Variants in IQGAP3 observed in about 807,000 individuals in gnomAD.
IQGAP3 encodes ras GTPase-activating-like protein IQGAP3.
Under a neutral mutation model 208.2 loss-of-function variants are expected in IQGAP3, and 165 were observed. The ratio of observed to expected loss-of-function variants is 0.79; its 90% CI spans 0.70 to 0.90. The LOEUF is 0.90. Among genes scored for constraint, IQGAP3 ranks in the 40% least tolerant of loss-of-function variants. IQGAP3 has a pLI of 0.00. For missense variants in IQGAP3, 1,811 were observed against 2,043.1 expected, an observed-to-expected ratio of 0.89 and a Z score of 2.19; for synonymous variants, 703 against 803.6, an observed-to-expected ratio of 0.87 and a Z score of 2.12.
At position 156,533,776 on chromosome 1, in the gene IQGAP3, T is replaced by C. The variant is rs1321892567; in HGVS notation, c.3973A>G (p.Ile1325Val). ...LGELPTIPDLIGESIAADGHT... is the reference protein window; with the variant it reads ...LGELPTIPDLVGESIAADGHT... The stretch of plus-strand genomic sequence containing the variant: ...AGCTGCTAAGGAGGGCACGTACCAA[T>C]AAGGTCAGGGATGGTGGGCAGCTCC... The change falls in exon 31 of 38, where the codon ATT becomes GTT. Residue 1325 changes from isoleucine to valine, a missense_variant. Transcript: ENST00000361170. 1 of 1,612,856 alleles carries C rather than the reference T, an allele frequency of 6.2e-7. No individual in the cohort carries two copies. The highest frequency in any genetic ancestry group is 2.2e-5 in the East Asian group (1 of 44,860).
rs753047201 is a variant in IQGAP3 at position 156,548,158 on chromosome 1, C to A, written c.2219G>T (p.Arg740Leu). ...NVGFVIQLQA[R>L]LRGFLVRQKF... ...CTGCCGAACTAGGAAGCCACGGAGG[C>A]GGGCCTGGAGCTGGATAACAAAGCC... Residue 740 changes from arginine to leucine, a missense_variant, in exon 19 of 38, where the codon CGC becomes CTC. By Grantham distance (102) the Arg-to-Leu change is moderately radical. Transcript: ENST00000361170. 6.2e-7 allele frequency: 1 copy of A among 1,613,988 alleles called. No homozygotes were observed. Among genetic ancestry groups the A allele is most frequent in the South Asian group, 1.1e-5 (1 of 91,050 alleles).
intron 13 of IQGAP3, among the ~76,000 whole-genome samples, chr1:156,552,835 A>C (rs1482206081): frequency 6.6e-6 from 1 of 152,236 alleles, no homozygotes; most frequent in Admixed American, 6.5e-5. Flanking sequence ...ACACTTTGGG[A>C]GGCCAAGATG....
At chr1:156,569,263 C>G (rs1358215390) in intron 2 of IQGAP3, 113 bp downstream of exon 2, 1 of 662,798 alleles carries the variant, frequency 1.5e-6, no homozygotes, top group Non-Finnish European at 2.6e-6. Flanking sequence ...TCAACTCGCC[C>G]TTTCCCACAG....
intron 1 of IQGAP3, 83 bp downstream of exon 1, chr1:156,572,410 A>G: frequency 3.5e-6 from 5 of 1,439,652 alleles, no homozygotes; most frequent in Non-Finnish European, 4.8e-6. Context: ...CGCCCGACAC[A>G]CGCCCCAATC....
intron 11 of IQGAP3, among the ~76,000 whole-genome samples, chr1:156,559,119 T>TAAA (rs1184386504): frequency 0.011 from 9 of 814 alleles, no homozygotes; most frequent in African/African-American, 0.011. Flanking sequence ...GAATGATCAA[T>TAAA]AAAAAAAAAA....
rs967900452 is a variant in IQGAP3 at position 156,530,417 on chromosome 1, G to T, written c.4192-100C>A. 6 of 926,220 alleles carry T rather than the reference G, an allele frequency of 6.5e-6. No individual in the cohort carries two copies. The African/African-American group carries it at 6.6e-5, about 10-fold the overall frequency. The allele number at this position is 926,220 out of a possible 1,614,324, so 57.4% of individuals were successfully genotyped here. On this transcript the variant is annotated intron_variant, in intron 33 of 37. Transcript: ENST00000361170. The stretch of plus-strand genomic sequence containing the variant: ...GCACCAGCAACAAAGGGAGGCCTGA[G>T]CATTTTTCTGCATATCATTAAGAAA...
chr1:156,552,026 G>T lies in IQGAP3; in HGVS notation c.1518C>A (p.Asp506Glu), dbSNP rs774605927. 1.8e-5 allele frequency: 29 copies of T among 1,614,132 alleles called. No homozygotes were observed. The highest frequency in any genetic ancestry group is 2.2e-5 in the Non-Finnish European group (26 of 1,180,030). ...GMGEDFLSWN[D>E]LQATVSQVNA... Reference sequence around the variant, plus strand: ...TGACCTGGCTCACGGTGGCCTGCAGGTCATTCCAGCTCAGGAAGTCCTCAC... The same window carrying T: ...TGACCTGGCTCACGGTGGCCTGCAGTTCATTCCAGCTCAGGAAGTCCTCAC... The change falls in exon 14 of 38, where the codon GAC (aspartate) becomes GAA (glutamate). Residue 506 changes from aspartate (D) to glutamate (E), a missense_variant. By Grantham distance (45) the Asp-to-Glu change is conservative (BLOSUM62 2). Transcript: ENST00000361170.
At chr1:156,562,694 GGGAAACCCAA>G in intron 8 of IQGAP3, 29 bp from the exon 9 acceptor site, 1 of 1,573,622 alleles carries the variant, frequency 6.4e-7, no homozygotes, top group South Asian at 1.1e-5. Flanking sequence ...AAGGGAACCT[GGGAAACCCAA>G]TTTAATCTCC....
intron 29 of IQGAP3, 127 bp from the exon 30 acceptor site, chr1:156,534,268 C>T: frequency 7.1e-7 from 1 of 1,417,018 alleles, no homozygotes; most frequent in Non-Finnish European, 9.7e-7. Flanking sequence ...GTCTCAGCTT[C>T]TGCCCTCTGT....
chr1:156,534,351 A>T, intron 29 of IQGAP3, 150 bp downstream of exon 29: 1 of 888,560 alleles, frequency 1.1e-6, no homozygotes, highest in South Asian at 1.7e-5. Flanking sequence ...TCCACTGGGG[A>T]GTCCTTCCAA....
chr1:156,563,291 A>G lies in IQGAP3; in HGVS notation c.641T>C (p.Ile214Thr), dbSNP rs760738647. The change falls in exon 8 of 38, where the codon ATC (isoleucine) becomes ACC (threonine). Residue 214 changes from isoleucine to threonine, a missense_variant. Coordinates refer to ENST00000361170, the MANE Select transcript of IQGAP3 (RefSeq NM_178229.5). ...CACCCCTCGCTCCACTGCTTCATTGATGGCAAGAACAGCTGCATGGACTGG... is the reference window on the plus strand; with the variant it reads ...CACCCCTCGCTCCACTGCTTCATTGGTGGCAAGAACAGCTGCATGGACTGG... ...EAAVHAAVLAINEAVERGVVE... is the reference protein window; with the variant it reads ...EAAVHAAVLATNEAVERGVVE... 7.5e-6 allele frequency: 12 copies of G among 1,604,474 alleles called. No individual in the cohort carries two copies. In the Admixed American group the frequency reaches 1.2e-4, roughly 16 times the overall value.
chr1:156,551,937 G>A, intron 14 of IQGAP3, 37 bp downstream of exon 14: 1 of 1,606,294 alleles, frequency 6.2e-7, no homozygotes, highest in East Asian at 2.2e-5. Context: ...GACTGCCTAA[G>A]TTGGGCCATC....
rs1557914785 is a variant in IQGAP3 at position 156,529,016 on chromosome 1, A to C, written c.4471T>G (p.Leu1491Val). Residue 1491 changes from leucine (L) to valine (V), a missense_variant, in exon 35 of 38, where the codon TTA becomes GTA. Transcript: ENST00000361170. ...KAELVKLQAT[L>V]QGLSTKTTFY... is the part of the protein sequence containing the mutation. ...GTGGTCTTAGTGCTCAGGCCCTGTA[A>C]TGTGGCCTGCAGCTTCACCAGCTCT... 7.4e-6 allele frequency: 12 copies of C among 1,614,150 alleles called. No homozygotes were observed. The highest frequency in any genetic ancestry group is 9.3e-6 in the Non-Finnish European group (11 of 1,180,016).
chr1:156,552,014 G>A lies in IQGAP3; in HGVS notation c.1530C>T (p.Thr510=), dbSNP rs1485475933. 8 of 1,614,150 alleles carry A rather than the reference G, an allele frequency of 5.0e-6. No homozygotes were observed. The highest frequency in any genetic ancestry group is 1.1e-5 in the South Asian group (1 of 91,078). ...DFLSWNDLQA[T]VSQVNAQTQE... ...GGGTCTGTGCATTGACCTGGCTCAC[G>A]GTGGCCTGCAGGTCATTCCAGCTCA... Residue 510 remains threonine, a synonymous_variant, in exon 14 of 38, where the codon ACC becomes ACT. Transcript: ENST00000361170.
intron 3 of IQGAP3, 126 bp downstream of exon 3, chr1:156,566,264 G>C: frequency 1.6e-6 from 2 of 1,238,610 alleles, no homozygotes; most frequent in Non-Finnish European, 2.3e-6. Context: ...GAGAAACATA[G>C]ATTAATAACA....
At chr1:156,531,532 T>C (rs1430171546) in intron 32 of IQGAP3, among the ~76,000 whole-genome samples, 1 of 151,806 alleles carries the variant, frequency 6.6e-6, no homozygotes, top group Non-Finnish European at 1.5e-5. Flanking sequence ...GGTGGTGCTC[T>C]GTGTTCAGCC....
chr1:156,566,184 G>T, intron 3 of IQGAP3, 80 bp from the exon 4 acceptor site: 1 of 1,377,768 alleles, frequency 7.3e-7, no homozygotes, highest in Non-Finnish European at 1.0e-6. Flanking sequence ...ACAGCTTAAA[G>T]ATTCAGGAGA....
chr1:156,567,600 A>G (rs1310459237), intron 2 of IQGAP3, among the ~76,000 whole-genome samples: 2 of 152,226 alleles, frequency 1.3e-5, no homozygotes, highest in Non-Finnish European at 2.9e-5. Context: ...ACTTCCCTAC[A>G]TATTGGGGTC....
At chr1:156,554,196 C>T (rs1675706129) in intron 13 of IQGAP3, 39 bp downstream of exon 13, 2 of 1,561,220 alleles carry the variant, frequency 1.3e-6, no homozygotes, top group Admixed American at 2.0e-5. Flanking sequence ...CTGCATTCCC[C>T]CATCCCTCAC....
Sources: allele counts gnomAD v4.1 joint callset (sites outside exome capture counted in the v4.1 genomes callset), GRCh38; gene constraint gnomAD v4.1.1; transcripts MANE v1.5; gene names NCBI Gene and HGNC (gene_info 2026-07-23, HGNC 2026-07-21).